Variants in PTPRD observed in about 807,000 individuals in gnomAD.
The protein encoded by PTPRD is receptor-type tyrosine-protein phosphatase delta.
In PTPRD, 34 loss-of-function variants were observed where a neutral mutation model predicts 214.5. The observed-to-expected ratio is 0.16, with a 90% CI of 0.12 to 0.21. The LOEUF (loss-of-function observed/expected upper bound fraction) is 0.21. PTPRD is among the 10% of genes least tolerant of loss of function. The pLI is 1.00. For synonymous variants in PTPRD, 1,128 were observed against 845.7 expected, an observed-to-expected ratio of 1.33 and a Z score of -5.79; for missense variants, 2,545 against 2,398.7, an observed-to-expected ratio of 1.06 and a Z score of -1.27.
intron 2 of PTPRD, among the ~76,000 whole-genome samples, chr9:10,580,608 A>C (rs778414467): frequency 7.2e-5 from 11 of 152,194 alleles, no homozygotes; most frequent in Non-Finnish European, 1.3e-4. Flanking sequence ...AAAGAGTATT[A>C]ATAATACTAA....
At chr9:10,482,302 T>C (rs186070147) in intron 2 of PTPRD, among the ~76,000 whole-genome samples, 2,704 of 151,636 alleles carry the variant, frequency 0.018, 222 homozygotes, top group Admixed American at 0.14. Context: ...ACCCGGGAGG[T>C]GGAGCTTACA....
chr9:9,745,727 C>G (rs2098450858), intron 6 of PTPRD, among the ~76,000 whole-genome samples: 1 of 152,078 alleles, frequency 6.6e-6, no homozygotes, highest in South Asian at 2.1e-4. Context: ...TTTCTGGCCT[C>G]AATTTTGTTT....
At chr9:8,850,998 T>G (rs1189079800) in intron 11 of PTPRD, among the ~76,000 whole-genome samples, 1 of 152,184 alleles carries the variant, frequency 6.6e-6, no homozygotes, top group Non-Finnish European at 1.5e-5. Flanking sequence ...AATTTCTCCC[T>G]GTAAAATTGT....
chr9:8,939,940 T>G (rs17662920), intron 11 of PTPRD, among the ~76,000 whole-genome samples: 20,936 of 152,018 alleles, frequency 0.14, 1,624 homozygotes, highest in South Asian at 0.21. Context: ...AACATGTATA[T>G]TTTTGGTCTC....
At chr9:8,619,812 C>T (rs930723017) in intron 14 of PTPRD, among the ~76,000 whole-genome samples, 2 of 152,002 alleles carry the variant, frequency 1.3e-5, no homozygotes, top group African/African-American at 4.8e-5. Flanking sequence ...CAAAAAAAAT[C>T]AACCCTTACA....
intron 2 of PTPRD, among the ~76,000 whole-genome samples, chr9:10,592,320 ATTACCCT>A (rs2075663746): frequency 6.6e-6 from 1 of 152,060 alleles, no homozygotes; most frequent in African/African-American, 2.4e-5. Flanking sequence ...AGCCAATTTA[ATTACCCT>A]TTGGGTAAAC....
At chr9:9,576,039 G>C (rs895481942) in intron 7 of PTPRD, among the ~76,000 whole-genome samples, 1 of 152,020 alleles carries the variant, frequency 6.6e-6, no homozygotes, top group Non-Finnish European at 1.5e-5. Flanking sequence ...GTAACCTCTA[G>C]CTAATTGCTA....
chr9:9,104,128 A>C (rs1445136243), intron 10 of PTPRD, among the ~76,000 whole-genome samples: 2 of 152,186 alleles, frequency 1.3e-5, no homozygotes, highest in African/African-American at 4.8e-5. Flanking sequence ...TATAGGACTA[A>C]ATAGTAGATA....
chr9:9,908,896 G>C (rs966136127), intron 5 of PTPRD, among the ~76,000 whole-genome samples: 2 of 151,838 alleles, frequency 1.3e-5, no homozygotes, highest in African/African-American at 4.8e-5. Context: ...GAGTTTAATG[G>C]TCAGTTAAAC....
chr9:10,312,487 C>A (rs1477862723), intron 3 of PTPRD, among the ~76,000 whole-genome samples: 1 of 151,754 alleles, frequency 6.6e-6, no homozygotes, highest in Non-Finnish European at 1.5e-5. Flanking sequence ...TAGGAAAACT[C>A]TAATAAGGTA....
chr9:10,054,634 T>C (rs1383099827), intron 3 of PTPRD, among the ~76,000 whole-genome samples: 1 of 152,102 alleles, frequency 6.6e-6, no homozygotes, highest in Admixed American at 6.6e-5. Flanking sequence ...AGGGCCCCTG[T>C]TTTTCTGTTT....
chr9:8,717,071 T>A (rs1014230913), intron 12 of PTPRD, among the ~76,000 whole-genome samples: 4 of 152,056 alleles, frequency 2.6e-5, no homozygotes, highest in Admixed American at 2.6e-4. Context: ...GGGAGGCTGA[T>A]GTCCTTGAGC....
At chr9:8,610,863 G>A (rs1398105919) in intron 14 of PTPRD, among the ~76,000 whole-genome samples, 1 of 152,144 alleles carries the variant, frequency 6.6e-6, no homozygotes, top group Admixed American at 6.6e-5. Context: ...TTAGATGAAA[G>A]GGCAACAACA....
chr9:8,483,737 C>T (rs993900342), intron 30 of PTPRD, among the ~76,000 whole-genome samples: 1 of 152,166 alleles, frequency 6.6e-6, no homozygotes, highest in African/African-American at 2.4e-5. Flanking sequence ...CGAGATCGCG[C>T]CACTGCACTC....
At chr9:9,844,570 GGAATT>G (rs1326606736) in intron 5 of PTPRD, among the ~76,000 whole-genome samples, 1 of 151,650 alleles carries the variant, frequency 6.6e-6, no homozygotes, top group African/African-American at 2.4e-5. Context: ...AAAAATAAAA[GGAATT>G]GATATGACAT....
chr9:10,603,063 A>G (rs1162873944), intron 2 of PTPRD, among the ~76,000 whole-genome samples: 1 of 151,852 alleles, frequency 6.6e-6, no homozygotes, highest in Non-Finnish European at 1.5e-5. Context: ...TAAGGAGCTG[A>G]TATACCATAA....
intron 37 of PTPRD, among the ~76,000 whole-genome samples, chr9:8,378,096 T>C (rs749071225): frequency 6.6e-6 from 1 of 152,102 alleles, no homozygotes. Flanking sequence ...CACACAAACA[T>C]CATCTTTTTG....
chr9:9,008,521 C>T (rs752808441), intron 11 of PTPRD, among the ~76,000 whole-genome samples: 2 of 152,114 alleles, frequency 1.3e-5, no homozygotes, highest in African/African-American at 4.8e-5. Flanking sequence ...CCACCGCGCC[C>T]GGCCTCCCCT....
intron 3 of PTPRD, among the ~76,000 whole-genome samples, chr9:10,175,443 C>T (rs534792583): frequency 2.0e-5 from 3 of 151,982 alleles, no homozygotes; most frequent in Admixed American, 6.6e-5. Context: ...ATGGAATATA[C>T]ATAATATAAC....
Sources: allele counts gnomAD v4.1 joint callset (sites outside exome capture counted in the v4.1 genomes callset), GRCh38; gene constraint gnomAD v4.1.1; transcripts MANE v1.5; gene names NCBI Gene and HGNC (gene_info 2026-07-23, HGNC 2026-07-21).